Variants in GRM7 observed in about 807,000 individuals in gnomAD.
The protein encoded by GRM7 is metabotropic glutamate receptor 7.
A neutral mutation model predicts 84.5 loss-of-function variants in GRM7; 35 were observed. That is an observed-to-expected ratio of 0.41 (90% confidence interval 0.32 to 0.55). The LOEUF (loss-of-function observed/expected upper bound fraction) is 0.55, where lower values mean the gene tolerates loss of function less well. GRM7 is among the 20% of genes least tolerant of loss of function. The pLI is 0.19. For missense variants in GRM7, 1,003 were observed against 1,194.6 expected, an observed-to-expected ratio of 0.84 and a Z score of 2.36; for synonymous variants, 487 against 455.1, an observed-to-expected ratio of 1.07 and a Z score of -0.89.
intron 9 of GRM7, among the ~76,000 whole-genome samples, chr3:7,731,026 C>T (rs13067144): frequency 0.06 from 9,163 of 151,638 alleles, 370 homozygotes; most frequent in South Asian, 0.1. Context: ...CATTTAAGAA[C>T]GACGTAAACC....
At chr3:7,583,337 G>C (rs1695353581) in intron 8 of GRM7, among the ~76,000 whole-genome samples, 1 of 152,154 alleles carries the variant, frequency 6.6e-6, no homozygotes, top group Admixed American at 6.5e-5. Context: ...TGAACACAAA[G>C]TAAAATCTGC....
chr3:7,320,719 T>TGTGTGTGTGTGC (rs910693056), intron 4 of GRM7, among the ~76,000 whole-genome samples: 1 of 151,232 alleles, frequency 6.6e-6, no homozygotes, highest in African/African-American at 2.4e-5. Context: ...TGTGTGTGTG[T>TGTGTGTGTGTGC]GCAACTTCTT....
chr3:7,504,118 A>C (rs563043689), intron 7 of GRM7, among the ~76,000 whole-genome samples: 2 of 152,344 alleles, frequency 1.3e-5, no homozygotes, highest in South Asian at 2.1e-4. Flanking sequence ...CTCAATAAAA[A>C]ATTTTGTGGT....
intron 1 of GRM7, among the ~76,000 whole-genome samples, chr3:6,901,244 T>G (rs1444563352): frequency 2.6e-5 from 4 of 152,142 alleles, no homozygotes; most frequent in African/African-American, 9.7e-5. Context: ...GAAGTACAAA[T>G]ATTAATAGAT....
Position 7,503,217 on chromosome 3 carries a change from G to T in GRM7, c.1515+41495G>T, listed in dbSNP as rs1699936201. 2.0e-5 allele frequency among the ~76,000 whole-genome samples: 3 copies of T among 152,006 alleles called. No individual in the cohort carries two copies. The South Asian group carries it at 6.2e-4, about 32-fold the overall frequency. The stretch of plus-strand genomic sequence containing the variant: ...GTTCTAAAGGATTTCAAAATTTATT[G>T]AAAATTAAAAATTCCTGATAAAAGA... On this transcript the variant is annotated intron_variant, in intron 7 of 9. Transcript: ENST00000357716.
At chr3:7,176,429 G>A (rs1159202997) in intron 2 of GRM7, among the ~76,000 whole-genome samples, 2 of 151,452 alleles carry the variant, frequency 1.3e-5, no homozygotes, top group Non-Finnish European at 2.9e-5. Flanking sequence ...AAAAAACAAA[G>A]AGCAAATAAA....
chr3:7,575,459 A>AT (rs1694912765), intron 7 of GRM7, among the ~76,000 whole-genome samples: 1 of 152,160 alleles, frequency 6.6e-6, no homozygotes, highest in Admixed American at 6.5e-5. Context: ...ATTAGATTTG[A>AT]TTTTTCATAG....
intron 5 of GRM7, among the ~76,000 whole-genome samples, chr3:7,429,679 G>A (rs934533540): frequency 1.3e-5 from 2 of 152,002 alleles, no homozygotes; most frequent in Non-Finnish European, 2.9e-5. Flanking sequence ...GTGGCTTGCC[G>A]AAAAGTCACT....
At chr3:7,363,318 A>T (rs1693749479) in intron 4 of GRM7, among the ~76,000 whole-genome samples, 1 of 152,046 alleles carries the variant, frequency 6.6e-6, no homozygotes, top group African/African-American at 2.4e-5. Context: ...CACTGAAAAG[A>T]TCATGAGATC....
chr3:7,640,128 T>C (rs1698297820), intron 8 of GRM7, among the ~76,000 whole-genome samples: 1 of 152,108 alleles, frequency 6.6e-6, no homozygotes, highest in Non-Finnish European at 1.5e-5. Flanking sequence ...TATCTTCCTA[T>C]CCGCCACAAT....
At chr3:6,976,498 C>T (rs1213886725) in intron 1 of GRM7, among the ~76,000 whole-genome samples, 2 of 152,096 alleles carry the variant, frequency 1.3e-5, no homozygotes, top group Non-Finnish European at 2.9e-5. Flanking sequence ...CCAGTGTTAC[C>T]TGGTTTCTGC....
chr3:7,662,468 A>G (rs989315051), intron 8 of GRM7, among the ~76,000 whole-genome samples: 4 of 152,072 alleles, frequency 2.6e-5, no homozygotes, highest in South Asian at 2.1e-4. Context: ...ACCGAATGCA[A>G]TGTATGAACC....
At chr3:6,943,903 T>A (rs372943869) in intron 1 of GRM7, among the ~76,000 whole-genome samples, 31 of 152,196 alleles carry the variant, frequency 2.0e-4, no homozygotes, top group African/African-American at 7.5e-4. Flanking sequence ...CATCTTTTGT[T>A]GCTTTTTATA....
chr3:7,205,446 G>T (rs1696203505), intron 2 of GRM7, among the ~76,000 whole-genome samples: 1 of 152,182 alleles, frequency 6.6e-6, no homozygotes, highest in African/African-American at 2.4e-5. Context: ...CTGCCTTCAA[G>T]GGCTGGCCTT....
intron 1 of GRM7, among the ~76,000 whole-genome samples, chr3:7,040,459 T>A (rs6806817): frequency 2.0e-5 from 3 of 151,654 alleles, no homozygotes; most frequent in Admixed American, 1.3e-4. Flanking sequence ...CCTGCCACCA[T>A]GCCCAGCTAA....
intron 9 of GRM7, among the ~76,000 whole-genome samples, chr3:7,711,589 G>A (rs1008359899): frequency 6.6e-6 from 1 of 152,188 alleles, no homozygotes; most frequent in African/African-American, 2.4e-5. Context: ...TCTAACTCCC[G>A]TTATAGCATT....
At chr3:7,461,359 T>A (rs1279819552) in intron 6 of GRM7, among the ~76,000 whole-genome samples, 1 of 152,178 alleles carries the variant, frequency 6.6e-6, no homozygotes, top group Non-Finnish European at 1.5e-5. Context: ...ACAGTGAAAC[T>A]ATTCAAAAGG....
chr3:7,184,967 C>G (rs1036853934), intron 2 of GRM7, among the ~76,000 whole-genome samples: 1 of 152,042 alleles, frequency 6.6e-6, no homozygotes, highest in Non-Finnish European at 1.5e-5. Context: ...TGTGTATTAG[C>G]CACCATGCTG....
At chr3:7,394,300 T>A (rs1012793790) in intron 4 of GRM7, among the ~76,000 whole-genome samples, 1 of 152,198 alleles carries the variant, frequency 6.6e-6, no homozygotes, top group African/African-American at 2.4e-5. Flanking sequence ...CACACAGCAT[T>A]TCTTCTGCTC....
Sources: gnomAD v4.1 joint callset for allele counts (sites outside exome capture counted in the v4.1 genomes callset) on GRCh38, gnomAD v4.1.1 for gene constraint, MANE v1.5 for transcripts, NCBI Gene and HGNC (gene_info 2026-07-23, HGNC 2026-07-21) for gene names.